The following TADA2A variants were observed in gnomAD, a reference collection of about 807,000 sequenced individuals.
The protein encoded by TADA2A is transcriptional adaptor 2A.
Under a neutral mutation model 67.4 loss-of-function variants are expected in TADA2A, and 38 were observed. The observed-to-expected ratio is 0.56, with a 90% confidence interval of 0.44 to 0.74. The LOEUF (loss-of-function observed/expected upper bound fraction) is 0.74, where lower values mean the gene tolerates loss of function less well. Among genes scored for constraint, TADA2A ranks in the 30% least tolerant of loss-of-function variants. TADA2A has a pLI of 0.00. For missense variants in TADA2A, 454 were observed against 547.0 expected (o/e 0.83, Z 1.70); for synonymous variants, 192 against 181.6 (o/e 1.06, Z -0.46).
Position 37,470,393 on chromosome 17 carries a change from C to A in TADA2A, c.896-7C>A, listed in dbSNP as rs768192443. 1.9e-6 allele frequency: 3 copies of A among 1,613,290 alleles called. No homozygotes were observed. The highest frequency in any genetic ancestry group is 2.5e-6 in the Non-Finnish European group (3 of 1,179,738). On this transcript the variant is annotated splice_region_variant and splice_polypyrimidine_tract_variant and intron_variant, in intron 12 of 15. Transcript: ENST00000615182. ...CATTGTGGTCATTGTGTTTTCTATA[C>A]CCCCAGGTGCCAGAACCTACGATCA...
chr17:37,462,199 A>G, intron 10 of TADA2A, 78 bp downstream of exon 10: 3 of 1,013,122 alleles, frequency 3.0e-6, no homozygotes, highest in South Asian at 1.5e-5. Flanking sequence ...CACGTATTGT[A>G]GTTCTTAATC....
chr17:37,427,057 A>AG, intron 4 of TADA2A, 48 bp downstream of exon 4: 1 of 1,479,926 alleles, frequency 6.8e-7, no homozygotes. Context: ...TTTAAGAATT[A>AG]GACTGGGAAG....
Position 37,419,957 on chromosome 17 carries a change from G to A in TADA2A, c.26-3552G>A, listed in dbSNP as rs576516026. Among the ~76,000 whole-genome samples, 249 of 145,500 alleles carry A rather than the reference G, an allele frequency of 1.7e-3. 14 individuals carry two copies. The highest frequency in any genetic ancestry group is 6.0e-3 in the African/African-American group (240 of 40,110). ...CTGAATCCAGGAGGTGGAGCTTGCA[G>A]TGAGCTGAGATCGCGCCACTGCACT... On this transcript the variant is annotated intron_variant, in intron 2 of 15. Coordinates refer to ENST00000615182, the MANE Select transcript of TADA2A (RefSeq NM_001166105.3).
intron 8 of TADA2A, among the ~76,000 whole-genome samples, chr17:37,447,124 G>T (rs2053104570): frequency 6.6e-6 from 1 of 152,048 alleles, no homozygotes. Flanking sequence ...CTTTCCCTCT[G>T]CCCCATAGTA....
chr17:37,434,300 A>T (rs1164466374), intron 4 of TADA2A, among the ~76,000 whole-genome samples: 1 of 152,234 alleles, frequency 6.6e-6, no homozygotes, highest in East Asian at 1.9e-4. Context: ...CAGACGATAC[A>T]TAATTTAACA....
chr17:37,443,916 CTT>C (rs1165559643), intron 7 of TADA2A, among the ~76,000 whole-genome samples: 1 of 152,148 alleles, frequency 6.6e-6, no homozygotes, highest in Non-Finnish European at 1.5e-5. Context: ...CCACAAGTCT[CTT>C]GATTTATCAT....
At chr17:37,458,635 TTTTGTGTG>T in intron 9 of TADA2A, 48 bp downstream of exon 9, 4 of 1,353,860 alleles carry the variant, frequency 3.0e-6, no homozygotes, top group South Asian at 1.2e-5. Context: ...TGGATTATTG[TTTTGTGTG>T]TGTGTGTGTG....
chr17:37,420,690 C>G (rs1334212106), intron 2 of TADA2A, among the ~76,000 whole-genome samples: 1 of 146,362 alleles, frequency 6.8e-6, no homozygotes, highest in Non-Finnish European at 1.5e-5. Flanking sequence ...ACCGTGCCTA[C>G]TCTCTCTATC....
intron 2 of TADA2A, among the ~76,000 whole-genome samples, chr17:37,418,265 A>G (rs1375592051): frequency 6.6e-6 from 1 of 152,194 alleles, no homozygotes; most frequent in Non-Finnish European, 1.5e-5. Flanking sequence ...GTCTGGTGGG[A>G]CATTTGAAAG....
chr17:37,415,855 CAA>C (rs1473413932), intron 2 of TADA2A, among the ~76,000 whole-genome samples: 4 of 114,934 alleles, frequency 3.5e-5, no homozygotes, highest in Admixed American at 3.2e-4. Context: ...GCCTGGGCGA[CAA>C]GAGTGAAACT....
At position 37,444,749 on chromosome 17, in the gene TADA2A, T is replaced by G. The variant is rs764359936; in HGVS notation, c.585T>G (p.Asp195Glu). 2.7e-5 allele frequency: 44 copies of G among 1,614,024 alleles called. No homozygotes were observed. In the African/African-American group the frequency reaches 5.6e-4, roughly 21 times the overall value. Reference sequence around the variant, plus strand: ...TGAGAGACATTGATTTTGTTGAAGATGACTCGGACATTTTACATGGTAACA... The same window carrying G: ...TGAGAGACATTGATTTTGTTGAAGAGGACTCGGACATTTTACATGGTAACA... ...WDLRDIDFVEDDSDILHALKM... is the reference protein window; with the variant it reads ...WDLRDIDFVEEDSDILHALKM... Residue 195 changes from aspartate (D) to glutamate (E), a missense_variant, in exon 8 of 16, where the codon GAT becomes GAG. Physicochemically the swap from Asp to Glu is conservative, Grantham distance 45 (BLOSUM62 2). Around this residue, in one of 2 missense-constraint regions of TADA2A, gnomAD observed 403 missense variants for 455.5 expected, o/e 0.88. Transcript: ENST00000615182.
chr17:37,458,031 A>G (rs1250733192), intron 8 of TADA2A, among the ~76,000 whole-genome samples: 1 of 152,164 alleles, frequency 6.6e-6, no homozygotes, highest in Non-Finnish European at 1.5e-5. Flanking sequence ...TCCAGGTATT[A>G]AGCCTGGTAC....
intron 2 of TADA2A, among the ~76,000 whole-genome samples, chr17:37,421,538 G>A (rs886728951): frequency 6.8e-6 from 1 of 147,540 alleles, no homozygotes; most frequent in Non-Finnish European, 1.5e-5. Context: ...ACTTTAGGAA[G>A]CTGAGGCAGC....
At position 37,470,461 on chromosome 17, in the gene TADA2A, G is replaced by A. The variant is rs2148044227; in HGVS notation, c.957G>A (p.Met319Ile). Residue 319 changes from methionine to isoleucine, a missense_variant, in exon 13 of 16, where the codon ATG (methionine) becomes ATA (isoleucine). This residue lies in a region of TADA2A where 403 missense variants were observed against 455.5 expected (regional missense o/e 0.88). Transcript: ENST00000615182. ...AGGAAGAGCGCCTTAAACGCACTAT[G>A]CTCTCAGAAGTTCTCCAGTATATCC... ...TREEERLKRT[M>I]LSEVLQYIQD... 1 of 1,613,084 alleles carries A rather than the reference G, an allele frequency of 6.2e-7. No homozygotes were observed. Among genetic ancestry groups the A allele is most frequent in the Non-Finnish European group, 8.5e-7 (1 of 1,179,684 alleles).
chr17:37,423,107 T>G (rs1320533953), intron 2 of TADA2A, among the ~76,000 whole-genome samples: 1 of 152,182 alleles, frequency 6.6e-6, no homozygotes, highest in African/African-American at 2.4e-5. Flanking sequence ...GGCATGTGCC[T>G]GTAGTCCTAA....
In TADA2A at chr17:37,471,111, C is replaced by G; in HGVS notation, c.1046C>G (p.Pro349Arg). The G allele has an allele frequency of 6.2e-7, 1 of 1,614,150 alleles. No homozygotes were observed. The highest frequency in any genetic ancestry group is 1.3e-5 in the African/African-American group (1 of 75,040). The change falls in exon 14 of 16, where the codon CCT becomes CGT. Residue 349 changes from proline to arginine, a missense_variant. Pro to Arg is a moderately radical substitution (Grantham distance 103). Coordinates refer to ENST00000615182, the MANE Select transcript of TADA2A (RefSeq NM_001166105.3). ...RQADIDSGLS[P>R]SIPMASNSGR... Reference sequence around the variant, plus strand: ...CGTTGTAGTGATTCCGGCCTGAGTCCTTCCATTCCAATGGCTTCGAATTCA... The same window carrying G: ...CGTTGTAGTGATTCCGGCCTGAGTCGTTCCATTCCAATGGCTTCGAATTCA...
intron 1 of TADA2A, among the ~76,000 whole-genome samples, chr17:37,410,480 T>TA (rs1331644442): frequency 6.6e-6 from 1 of 152,222 alleles, no homozygotes; most frequent in East Asian, 1.9e-4. Context: ...CTGGCCCTGT[T>TA]ACGTACTTGT....
chr17:37,430,976 G>C (rs991055518), intron 4 of TADA2A, among the ~76,000 whole-genome samples: 13 of 152,108 alleles, frequency 8.5e-5, no homozygotes, highest in African/African-American at 3.1e-4. Flanking sequence ...TACCTCATGT[G>C]CTAGATATAT....
intron 1 of TADA2A, 131 bp from the exon 2 acceptor site, chr17:37,411,138 T>C (rs1292375822): frequency 1.7e-6 from 1 of 584,574 alleles, no homozygotes; most frequent in Non-Finnish European, 3.1e-6. Flanking sequence ...GAAACAGGTT[T>C]TCAGAGGTGG....
Sources: gnomAD v4.1 joint callset for allele counts (sites outside exome capture counted in the v4.1 genomes callset) on GRCh38, gnomAD v4.1.1 for gene constraint, gnomAD v4.1.1 regional missense constraint, MANE v1.5 for transcripts, NCBI Gene and HGNC (gene_info 2026-07-23, HGNC 2026-07-21) for gene names.